Variants in ADAMTSL1 observed in about 807,000 individuals in gnomAD.
ADAMTSL1 encodes the protein ADAMTS like 1, also known as ADAMTS-like protein 1.
A neutral mutation model predicts 201.8 loss-of-function variants in ADAMTSL1; 126 were observed. The ratio of observed to expected loss-of-function variants is 0.62; its 90% confidence interval spans 0.54 to 0.72. The LOEUF is 0.72. Among genes scored for constraint, ADAMTSL1 ranks in the 30% least tolerant of loss-of-function variants. ADAMTSL1 has a pLI of 0.00. For missense variants in ADAMTSL1, 2,679 were observed against 2,277.8 expected, an observed-to-expected ratio of 1.18 and a Z score of -3.59; for synonymous variants, 1,121 against 903.4, an observed-to-expected ratio of 1.24 and a Z score of -4.32.
In ADAMTSL1 at chr9:18,727,393, G is replaced by A. The variant is rs987761519; in HGVS notation, c.2006+5728G>A. ...GAGCTCACTGGCATCCACAGAAATT[G>A]AGTCCATATCCAGGCGCCTTTGAAG... On this transcript the variant is annotated intron_variant, in intron 15 of 28. Coordinates refer to ENST00000380548, the MANE Select transcript of ADAMTSL1 (RefSeq NM_001040272.6). Among the ~76,000 whole-genome samples, 14 of 152,236 alleles carry A rather than the reference G, an allele frequency of 9.2e-5. No homozygotes were observed. In the East Asian group the frequency reaches 2.7e-3, roughly 29 times the overall value.
At chr9:18,904,920 C>A (rs2131619428) in intron 26 of ADAMTSL1, among the ~76,000 whole-genome samples, 1 of 151,780 alleles carries the variant, frequency 6.6e-6, no homozygotes, top group South Asian at 2.1e-4. Flanking sequence ...GTCATGGATC[C>A]CTCTGAGTAC....
chr9:18,288,725 A>G (rs776104295), intron 2 of ADAMTSL1, among the ~76,000 whole-genome samples: 20 of 152,266 alleles, frequency 1.3e-4, no homozygotes, highest in Non-Finnish European at 2.4e-4. Context: ...AGCCAGCTCT[A>G]GAAAGGATTC....
At chr9:18,636,091 A>T in intron 6 of ADAMTSL1, 74 bp downstream of exon 6, 2 of 1,214,450 alleles carry the variant, frequency 1.6e-6, no homozygotes, top group Non-Finnish European at 2.3e-6. Flanking sequence ...TTCCCAGAAA[A>T]GATTAAAACA....
At position 18,657,633 on chromosome 9, in the gene ADAMTSL1, C is replaced by A. The variant is rs1335014783; in HGVS notation, c.835-6C>A. The A allele has an allele frequency of 6.2e-6, 10 of 1,610,884 alleles. No individual in the cohort carries two copies. Among genetic ancestry groups the A allele is most frequent in the Non-Finnish European group, 7.6e-6 (9 of 1,177,052 alleles). On this transcript the variant is annotated splice_polypyrimidine_tract_variant and splice_region_variant and intron_variant, in intron 7 of 28. Coordinates refer to ENST00000380548, the MANE Select transcript of ADAMTSL1 (RefSeq NM_001040272.6). ...ATTACTTCTACTTTCCTGTTGACTC[C>A]TGCAGATTCGTAACTCGGGCTCCGC...
chr9:18,341,947 C>T (rs1385063819), intron 2 of ADAMTSL1, among the ~76,000 whole-genome samples: 1 of 152,068 alleles, frequency 6.6e-6, no homozygotes, highest in Non-Finnish European at 1.5e-5. Flanking sequence ...TGGTTGATGT[C>T]CACTTTGGTT....
chr9:18,514,421 C>T (rs767346640), intron 2 of ADAMTSL1, among the ~76,000 whole-genome samples: 36 of 151,226 alleles, frequency 2.4e-4, no homozygotes, highest in African/African-American at 4.4e-4. Context: ...GCTCCGCCTC[C>T]GGGGTTCACG....
chr9:18,616,294 G>T (rs1049923475), intron 4 of ADAMTSL1, among the ~76,000 whole-genome samples: 2 of 152,132 alleles, frequency 1.3e-5, no homozygotes, highest in African/African-American at 4.8e-5. Flanking sequence ...CAAAGTGTTG[G>T]GATTACAGGC....
At chr9:17,964,081 C>T (rs539427868) in intron 1 of ADAMTSL1, among the ~76,000 whole-genome samples, 52 of 152,224 alleles carry the variant, frequency 3.4e-4, no homozygotes, top group African/African-American at 1.2e-3. Context: ...AACCATGTTT[C>T]CTTGACCACC....
intron 2 of ADAMTSL1, among the ~76,000 whole-genome samples, chr9:18,509,778 A>G (rs1474649505): frequency 6.6e-6 from 1 of 152,212 alleles, no homozygotes; most frequent in Admixed American, 6.5e-5. Flanking sequence ...GGGAGAGCCA[A>G]ATTGTTACAT....
At chr9:18,512,709 C>T (rs1343366978) in intron 2 of ADAMTSL1, among the ~76,000 whole-genome samples, 2 of 152,132 alleles carry the variant, frequency 1.3e-5, no homozygotes, top group Non-Finnish European at 2.9e-5. Context: ...AATAATACAT[C>T]TGTGGAACTG....
At chr9:18,776,671 C>T in intron 18 of ADAMTSL1, 110 bp from the exon 19 acceptor site, 1 of 1,257,408 alleles carries the variant, frequency 8.0e-7, no homozygotes, top group Non-Finnish European at 1.1e-6. Flanking sequence ...CTCTCCTTCT[C>T]TTCTCCACTC....
chr9:18,775,902 T>C lies in ADAMTSL1; in HGVS notation c.2551+6T>C. 1 of 1,586,992 alleles carries C rather than the reference T, an allele frequency of 6.3e-7. No homozygotes were observed. Among genetic ancestry groups the C allele is most frequent in the African/African-American group, 1.3e-5 (1 of 74,378 alleles). The stretch of plus-strand genomic sequence containing the variant: ...TATGCTGGCAACCTGTGCAAGTAAG[T>C]ATGTCAGGGCTCTGGGAATGGGGAG... On this transcript the variant is annotated splice_donor_region_variant and intron_variant, in intron 18 of 28. Coordinates refer to ENST00000380548, the MANE Select transcript of ADAMTSL1 (RefSeq NM_001040272.6).
At chr9:18,057,687 A>G (rs1227944356) in intron 1 of ADAMTSL1, among the ~76,000 whole-genome samples, 1 of 152,054 alleles carries the variant, frequency 6.6e-6, no homozygotes, top group Non-Finnish European at 1.5e-5. Context: ...ACCACCACCC[A>G]TGTTCTCTGG....
At chr9:18,746,733 A>C (rs2133577880) in intron 15 of ADAMTSL1, among the ~76,000 whole-genome samples, 1 of 151,388 alleles carries the variant, frequency 6.6e-6, no homozygotes, top group Non-Finnish European at 1.5e-5. Flanking sequence ...GAGGAGCAAA[A>C]CCTTGGCAAC....
chr9:18,556,256 A>C (rs758763033), intron 3 of ADAMTSL1, among the ~76,000 whole-genome samples: 1 of 151,976 alleles, frequency 6.6e-6, no homozygotes, highest in Non-Finnish European at 1.5e-5. Flanking sequence ...TTATGGTCTT[A>C]GCATCTGTCT....
At chr9:18,014,434 A>G (rs1476292336) in intron 1 of ADAMTSL1, among the ~76,000 whole-genome samples, 2 of 152,202 alleles carry the variant, frequency 1.3e-5, no homozygotes, top group African/African-American at 2.4e-5. Flanking sequence ...CCTAAAGGGT[A>G]TCTACTTAAC....
At chr9:18,313,718 G>A (rs1189885840) in intron 2 of ADAMTSL1, among the ~76,000 whole-genome samples, 2 of 152,132 alleles carry the variant, frequency 1.3e-5, no homozygotes, top group African/African-American at 4.8e-5. Flanking sequence ...CATGAGCAGT[G>A]TTCTAGGAGT....
In ADAMTSL1 at chr9:18,680,345, C is replaced by G; in HGVS notation, c.1170C>G (p.Ser390=). 1 of 1,614,128 alleles carries G rather than the reference C, an allele frequency of 6.2e-7. No individual in the cohort carries two copies. The highest frequency in any genetic ancestry group is 8.5e-7 in the Non-Finnish European group (1 of 1,180,026). The change falls in exon 11 of 29, where the codon TCC becomes TCG. Residue 390 remains serine, a synonymous_variant. Coordinates refer to ENST00000380548, the MANE Select transcript of ADAMTSL1 (RefSeq NM_001040272.6). ...WEATPWTACS[S]SCGGGIQSRA... ...CCACCCCATGGACCGCGTGCTCCTC[C>G]TCGTGTGGGGGGGGCATCCAGAGCC...
intron 2 of ADAMTSL1, among the ~76,000 whole-genome samples, chr9:18,424,086 T>A (rs2133373407): frequency 6.6e-6 from 1 of 152,352 alleles, no homozygotes; most frequent in East Asian, 1.9e-4. Context: ...ATCACTTTAG[T>A]GGTATCTCTG....
Sources: allele counts gnomAD v4.1 joint callset (sites outside exome capture counted in the v4.1 genomes callset), GRCh38; gene constraint gnomAD v4.1.1; transcripts MANE v1.5; gene names NCBI Gene and HGNC (gene_info 2026-07-23, HGNC 2026-07-21).